PRIM2: variants seen among roughly 807,000 people sequenced by gnomAD.
PRIM2 encodes the protein DNA primase large subunit.
In PRIM2, 39 loss-of-function variants were observed where a neutral mutation model predicts 67.3. The observed-to-expected ratio is 0.58, with a 90% CI of 0.45 to 0.76. The LOEUF (loss-of-function observed/expected upper bound fraction) is 0.76, where lower values mean the gene tolerates loss of function less well. Ranked by LOEUF, PRIM2 falls within the 30% of genes least tolerant of loss-of-function variation. The pLI, the probability that PRIM2 is intolerant of heterozygous loss-of-function variation, is 0.00. For missense variants in PRIM2, 398 were observed against 598.7 expected, an observed-to-expected ratio of 0.66 and a Z score of 3.50; for synonymous variants, 143 against 198.7, an observed-to-expected ratio of 0.72 and a Z score of 2.36.
At chr6:57,583,488 C>T (rs1296115498) in intron 10 of PRIM2, among the ~76,000 whole-genome samples, 4 of 151,392 alleles carry the variant, frequency 2.6e-5, no homozygotes, top group Non-Finnish European at 5.9e-5. Flanking sequence ...ATCCATGTCC[C>T]CATAAAGGAC....
intron 10 of PRIM2, among the ~76,000 whole-genome samples, chr6:57,562,645 T>G (rs1775660321): frequency 6.6e-6 from 1 of 152,212 alleles, no homozygotes; most frequent in Non-Finnish European, 1.5e-5. Flanking sequence ...ATCTCAGACT[T>G]AAAGTGCTTA....
chr6:57,388,582 C>T (rs1377847169), intron 7 of PRIM2, among the ~76,000 whole-genome samples: 2 of 152,086 alleles, frequency 1.3e-5, no homozygotes, highest in Non-Finnish European at 2.9e-5. Flanking sequence ...GTACCATTAT[C>T]ACTCTCTGAG....
chr6:57,544,372 T>G (rs1396096791), intron 10 of PRIM2, among the ~76,000 whole-genome samples: 1 of 152,150 alleles, frequency 6.6e-6, no homozygotes, highest in Non-Finnish European at 1.5e-5. Flanking sequence ...TATTTGTGGT[T>G]TATGGTCATG....
rs1379494133 is a variant in PRIM2, at chr6:57,503,316, G to A, written c.694-4071G>A. 1.2e-4 allele frequency among the ~76,000 whole-genome samples: 19 copies of A among 152,298 alleles called. No individual in the cohort carries two copies. In the South Asian group the frequency reaches 2.3e-3, roughly 18 times the overall value. ...TGGTTAGAATACCCTGCTGCTTTAC[G>A]AAGAGTTAGGGAATACCTACTGCTT... On this transcript the variant is annotated intron_variant, in intron 7 of 13. Coordinates refer to ENST00000615550, the MANE Select transcript of PRIM2 (RefSeq NM_000947.5).
At chr6:57,560,155 C>T (rs1775599256) in intron 10 of PRIM2, among the ~76,000 whole-genome samples, 1 of 152,174 alleles carries the variant, frequency 6.6e-6, no homozygotes, top group African/African-American at 2.4e-5. Flanking sequence ...TATGTAATAA[C>T]CTAAATCTTT....
At chr6:57,376,575 C>T (rs1769772058) in intron 5 of PRIM2, among the ~76,000 whole-genome samples, 1 of 152,160 alleles carries the variant, frequency 6.6e-6, no homozygotes, top group African/African-American at 2.4e-5. Context: ...AACGTCCACA[C>T]ACAGAGGCAT....
intron 10 of PRIM2, among the ~76,000 whole-genome samples, chr6:57,594,177 C>A (rs1174365247): frequency 0.32 from 48,328 of 152,038 alleles, 7,634 homozygotes; most frequent in East Asian, 0.44. Context: ...TTTCTTCTTT[C>A]TTGAAAGTTT....
At chr6:57,463,862 C>T (rs1467504274) in intron 7 of PRIM2, among the ~76,000 whole-genome samples, 1 of 152,128 alleles carries the variant, frequency 6.6e-6, no homozygotes, top group African/African-American at 2.4e-5. Flanking sequence ...ATCAGCATTC[C>T]TTGTGTGGTT....
At chr6:57,593,409 T>A (rs1282764775) in intron 10 of PRIM2, among the ~76,000 whole-genome samples, 1 of 152,102 alleles carries the variant, frequency 6.6e-6, no homozygotes, top group South Asian at 2.1e-4. Context: ...TTCAAGTGAC[T>A]CTCTTGCCTT....
At chr6:57,279,290 T>C in the PRIM2 span, among the ~76,000 whole-genome samples, 7 of 152,354 alleles carry the variant, frequency 4.6e-5, no homozygotes, top group Non-Finnish European at 8.8e-5. Flanking sequence ...TTTTTTTAAC[T>C]TATGGAAACT....
the PRIM2 span, among the ~76,000 whole-genome samples, chr6:57,241,297 T>A: frequency 6.6e-6 from 1 of 151,812 alleles, no homozygotes; most frequent in Non-Finnish European, 1.5e-5. Context: ...TTGTCTCAGC[T>A]ACTCAGGAGG....
intron 7 of PRIM2, among the ~76,000 whole-genome samples, chr6:57,438,614 C>A (rs1772089448): frequency 6.6e-6 from 1 of 152,090 alleles, no homozygotes; most frequent in Non-Finnish European, 1.5e-5. Context: ...TTAAAAAGAT[C>A]AATTTCTGAA....
At chr6:57,575,336 G>C (rs1190266014) in intron 10 of PRIM2, among the ~76,000 whole-genome samples, 26,468 of 152,146 alleles carry the variant, frequency 0.17, 2,444 homozygotes, top group Non-Finnish European at 0.21. Flanking sequence ...AATGTACCCA[G>C]ACATGAAAAG....
At chr6:57,335,338 C>T (rs1351697401) in intron 5 of PRIM2, among the ~76,000 whole-genome samples, 3 of 152,272 alleles carry the variant, frequency 2.0e-5, no homozygotes, top group Non-Finnish European at 2.9e-5. Flanking sequence ...AGCCAGGAAG[C>T]TGGAACTGGG....
rs913668100 is a variant in PRIM2, at chr6:57,433,734, C to A, written c.693+51566C>A. On this transcript the variant is annotated intron_variant, in intron 7 of 13. Transcript: ENST00000615550. ...GACACTCAAAACAGACATTTAAAACCATTTCTCTACATATTTTATTTGGTT... is the reference window on the plus strand; with the variant it reads ...GACACTCAAAACAGACATTTAAAACAATTTCTCTACATATTTTATTTGGTT... Among the ~76,000 whole-genome samples the A allele has an allele frequency of 6.6e-5, 10 of 152,042 alleles. No individual in the cohort carries two copies. In the East Asian group the frequency reaches 7.7e-4, roughly 12 times the overall value.
chr6:57,548,614 T>C (rs1417702520), intron 10 of PRIM2, among the ~76,000 whole-genome samples: 32 of 152,378 alleles, frequency 2.1e-4, no homozygotes, highest in Admixed American at 2.1e-3. Flanking sequence ...TCTTTCTTAC[T>C]GTGATATACC....
chr6:57,332,545 CTT>C (rs2127282507), intron 5 of PRIM2, among the ~76,000 whole-genome samples: 1 of 152,160 alleles, frequency 6.6e-6, no homozygotes, highest in Admixed American at 6.5e-5. Context: ...TTGGGGCTCT[CTT>C]GTTAGTTGCA....
chr6:57,614,033 T>C (rs1582020611), intron 12 of PRIM2, among the ~76,000 whole-genome samples: 1 of 151,300 alleles, frequency 6.6e-6, no homozygotes, highest in Non-Finnish European at 1.5e-5. Flanking sequence ...ATATCAGAGG[T>C]CCCCAACCCC....
At chr6:57,444,201 T>TC (rs1772291512) in intron 7 of PRIM2, among the ~76,000 whole-genome samples, 1 of 151,986 alleles carries the variant, frequency 6.6e-6, no homozygotes. Context: ...CTAGACATAA[T>TC]CCTGTGTAGT....
Sources: allele counts gnomAD v4.1 joint callset (sites outside exome capture counted in the v4.1 genomes callset), GRCh38; gene constraint gnomAD v4.1.1; transcripts MANE v1.5; gene names NCBI Gene and HGNC (gene_info 2026-07-23, HGNC 2026-07-21).